MAN1A1: variants seen among roughly 807,000 people sequenced by gnomAD.
The protein encoded by MAN1A1 is mannosidase alpha class 1A member 1, also known as mannosyl-oligosaccharide 1,2-alpha-mannosidase IA.
MAN1A1 carries 29 observed loss-of-function variants against 70.8 expected under a neutral mutation model. The ratio of observed to expected loss-of-function variants is 0.41; its 90% CI spans 0.31 to 0.56. The LOEUF (loss-of-function observed/expected upper bound fraction) is 0.56, where lower values mean the gene tolerates loss of function less well. Ranked by LOEUF, MAN1A1 falls within the 20% of genes least tolerant of loss-of-function variation. The probability of loss-of-function intolerance (pLI) is 0.29; values close to 1 mark genes in which losing one functional copy is unlikely to be tolerated. For missense variants in MAN1A1, 747 were observed against 841.3 expected, an observed-to-expected ratio of 0.89 and a Z score of 1.39; for synonymous variants, 349 against 330.1, an observed-to-expected ratio of 1.06 and a Z score of -0.62.
chr6:119,297,571 C>T (rs1303928158), intron 4 of MAN1A1, among the ~76,000 whole-genome samples: 7 of 151,944 alleles, frequency 4.6e-5, no homozygotes, highest in Non-Finnish European at 4.4e-5. Flanking sequence ...GATCTTGCTG[C>T]ATAATTTGGG....
At chr6:119,307,855 A>T (rs535789827) in intron 2 of MAN1A1, among the ~76,000 whole-genome samples, 30 of 152,336 alleles carry the variant, frequency 2.0e-4, no homozygotes, top group African/African-American at 7.2e-4. Context: ...AGAGTATCTT[A>T]AAGCATCACA....
At chr6:119,217,289 TG>T (rs1217546239) in intron 6 of MAN1A1, among the ~76,000 whole-genome samples, 1 of 152,170 alleles carries the variant, frequency 6.6e-6, no homozygotes, top group Admixed American at 6.5e-5. Flanking sequence ...TTTTTTGTTT[TG>T]TTTTGTTTTT....
chr6:119,258,889 A>T (rs887718336), intron 5 of MAN1A1, among the ~76,000 whole-genome samples: 1 of 152,278 alleles, frequency 6.6e-6, no homozygotes, highest in Non-Finnish European at 1.5e-5. Context: ...AGTCTGTACG[A>T]TCTTGAACGC....
intron 5 of MAN1A1, among the ~76,000 whole-genome samples, chr6:119,255,537 T>C (rs1029421038): frequency 3.9e-5 from 6 of 152,194 alleles, no homozygotes; most frequent in Non-Finnish European, 8.8e-5. Context: ...AAGATTTAAA[T>C]ATCAGAATAA....
chr6:119,263,292 T>A lies in MAN1A1; in HGVS notation c.898-14938A>T, dbSNP rs145655626. On this transcript the variant is annotated intron_variant, in intron 5 of 12. Coordinates refer to ENST00000368468, the MANE Select transcript of MAN1A1 (RefSeq NM_005907.4). ...TTAATACTTACAGGATATATGTAGA[T>A]CTACAGATATATAGTTCTGTCCCTC... Among the ~76,000 whole-genome samples, 921 of 152,266 alleles carry A rather than the reference T, an allele frequency of 6.0e-3. 6 individuals are homozygous for A. Among genetic ancestry groups the A allele is most frequent in the African/African-American group, 0.021 (873 of 41,566 alleles).
intron 2 of MAN1A1, among the ~76,000 whole-genome samples, chr6:119,327,659 G>A (rs1437905987): frequency 1.3e-5 from 2 of 152,080 alleles, no homozygotes; most frequent in Non-Finnish European, 2.9e-5. Context: ...TAAGAACACT[G>A]TACTGTATAC....
At chr6:119,296,557 G>C (rs1772221488) in intron 4 of MAN1A1, among the ~76,000 whole-genome samples, 1 of 152,100 alleles carries the variant, frequency 6.6e-6, no homozygotes, top group African/African-American at 2.4e-5. Flanking sequence ...ATGGAACTCT[G>C]GACCTAAGCC....
At chr6:119,346,666 C>T (rs890009133) in intron 2 of MAN1A1, among the ~76,000 whole-genome samples, 1 of 152,190 alleles carries the variant, frequency 6.6e-6, no homozygotes, top group African/African-American at 2.4e-5. Context: ...CTGCTACTGC[C>T]CCACTGGTTC....
chr6:119,275,066 G>C (rs1335370279), intron 5 of MAN1A1, among the ~76,000 whole-genome samples: 2 of 151,622 alleles, frequency 1.3e-5, no homozygotes, highest in African/African-American at 4.8e-5. Context: ...ATTATTCTTT[G>C]TTGCCCAAGA....
At chr6:119,236,707 C>CAA (rs34748730) in intron 6 of MAN1A1, among the ~76,000 whole-genome samples, 24 of 96,576 alleles carry the variant, frequency 2.5e-4, no homozygotes, top group African/African-American at 8.3e-4. Context: ...GACTTTGTCT[C>CAA]AAAAAAAAAA....
rs980353578 is a variant in MAN1A1, at chr6:119,272,950, C to T, written c.897+17733G>A. On this transcript the variant is annotated intron_variant, in intron 5 of 12. Transcript: ENST00000368468. ...ATAGATGTTGTTGTAAATAAACAAC[C>T]TTCTAAGATGGAAATCTATAAATTG... is the stretch of plus-strand genomic sequence containing the variant. Among the ~76,000 whole-genome samples, 6 of 152,032 alleles carry T rather than the reference C, an allele frequency of 3.9e-5. 1 individual carries two copies. Among genetic ancestry groups the T allele is most frequent in the Non-Finnish European group, 8.8e-5 (6 of 67,960 alleles).
At position 119,348,817 on chromosome 6, in the gene MAN1A1, G is replaced by C. The variant is rs570984556; in HGVS notation, c.249C>G (p.Ala83=). ...CCCCGGGCCCGGGCTTGTGGTCGGC[G>C]GCCGGCTGCAAGGCGGGGCTGGAGT... ...LFHSSPALQP[A]ADHKPGPGAR... The change falls in exon 2 of 13, where the codon GCC becomes GCG. Residue 83 remains alanine, a synonymous_variant. Transcript: ENST00000368468. 2.1e-5 allele frequency: 30 copies of C among 1,458,518 alleles called. No individual in the cohort carries two copies. The Admixed American group carries it at 5.7e-4, about 28-fold the overall frequency. The allele number at this position is 1,458,518 out of a possible 1,614,324, so 90.3% of individuals were successfully genotyped here. A position where few individuals can be genotyped will look rare whatever the true frequency, so the allele number is the denominator to read the frequency against.
intron 5 of MAN1A1, among the ~76,000 whole-genome samples, chr6:119,277,870 G>A (rs1166980358): frequency 4.3e-5 from 6 of 138,280 alleles, no homozygotes; most frequent in South Asian, 5.0e-4. Flanking sequence ...CTGGGAGGCG[G>A]AGCTTGCAGT....
intron 5 of MAN1A1, among the ~76,000 whole-genome samples, chr6:119,255,991 C>A (rs1274841148): frequency 1.3e-5 from 2 of 152,112 alleles, no homozygotes; most frequent in Non-Finnish European, 2.9e-5. Context: ...TGATTCAATA[C>A]AATTCAATTT....
At chr6:119,248,213 T>C (rs761977672) in intron 6 of MAN1A1, 47 bp downstream of exon 6, 8 of 1,278,958 alleles carry the variant, frequency 6.3e-6, no homozygotes, top group Non-Finnish European at 4.6e-6. Context: ...GGCAACAATC[T>C]GGAATATTTC....
intron 12 of MAN1A1, 106 bp downstream of exon 12, chr6:119,180,206 T>G (rs1773113460): frequency 1.2e-6 from 1 of 818,042 alleles, no homozygotes; most frequent in Non-Finnish European, 2.0e-6. Context: ...CCTGATATTC[T>G]GAATCAGGCA....
rs1773121994 is a variant in MAN1A1 at position 119,180,482 on chromosome 6, T to C, written c.1720-55A>G. 1.0e-5 allele frequency: 9 copies of C among 896,928 alleles called. No individual in the cohort carries two copies. In the South Asian group the frequency reaches 1.3e-4, roughly 13 times the overall value. The allele number at this position is 896,928 out of a possible 1,614,324, so 55.6% of individuals were successfully genotyped here. A position where few individuals can be genotyped will look rare whatever the true frequency, so the allele number is the denominator to read the frequency against. ...CACATTTCAGTAAACTGATTGTCAC[T>C]AATTTTTATTATTAGATTGTCAAGT... On this transcript the variant is annotated intron_variant, in intron 11 of 12. Transcript: ENST00000368468.
At chr6:119,326,404 T>C (rs1487284721) in intron 2 of MAN1A1, among the ~76,000 whole-genome samples, 1 of 152,198 alleles carries the variant, frequency 6.6e-6, no homozygotes, top group Admixed American at 6.5e-5. Flanking sequence ...ACAATAGTGG[T>C]CCAGAACCAA....
intron 2 of MAN1A1, among the ~76,000 whole-genome samples, chr6:119,330,726 GC>G: frequency 6.6e-6 from 1 of 152,152 alleles, no homozygotes; most frequent in South Asian, 2.1e-4. Flanking sequence ...CAGTCCTCTG[GC>G]TGCCCTGGGG....
Sources: allele counts gnomAD v4.1 joint callset (sites outside exome capture counted in the v4.1 genomes callset), GRCh38; gene constraint gnomAD v4.1.1; transcripts MANE v1.5; gene names NCBI Gene and HGNC (gene_info 2026-07-23, HGNC 2026-07-21).